RAB38: variants seen among roughly 807,000 people sequenced by gnomAD.
RAB38 encodes the protein RAB38, member RAS oncogene family.
In RAB38, 15 loss-of-function variants were observed where a neutral mutation model predicts 18.4. That is an observed-to-expected ratio of 0.82 (90% confidence interval 0.55 to 1.26). RAB38 has a LOEUF of 1.26. Among genes scored for constraint, RAB38 ranks in the 50% most tolerant of loss-of-function variants. The pLI, the probability that RAB38 is intolerant of heterozygous loss-of-function variation, is 0.00. For synonymous variants in RAB38, 101 were observed against 104.4 expected (o/e 0.97, Z 0.20); for missense variants, 294 against 267.4 (o/e 1.10, Z -0.69).
chr11:87,954,186 TA>T, the RAB38 span, among the ~76,000 whole-genome samples: 1 of 151,982 alleles, frequency 6.6e-6, no homozygotes, highest in Non-Finnish European at 1.5e-5. Context: ...TGATGATTGC[TA>T]AATATTCTGG....
At chr11:87,977,786 T>A in the RAB38 span, among the ~76,000 whole-genome samples, 5 of 114,164 alleles carry the variant, frequency 4.4e-5, no homozygotes, top group African/African-American at 1.0e-4. Context: ...TATTATATCA[T>A]AGTTATATAT....
the RAB38 span, among the ~76,000 whole-genome samples, chr11:87,962,047 C>A: frequency 1.3e-5 from 2 of 151,436 alleles, no homozygotes; most frequent in African/African-American, 4.9e-5. Context: ...CAAAAAGCTA[C>A]CTAATTACCA....
chr11:87,910,478 T>A, the RAB38 span, among the ~76,000 whole-genome samples: 18 of 152,114 alleles, frequency 1.2e-4, no homozygotes, highest in Admixed American at 1.0e-3. Context: ...TCAAATTTTT[T>A]AATTCATTCT....
At chr11:87,958,347 G>A in the RAB38 span, among the ~76,000 whole-genome samples, 1 of 152,114 alleles carries the variant, frequency 6.6e-6, no homozygotes, top group Admixed American at 6.6e-5. Context: ...TTATCTAGAG[G>A]TAACCCAAGT....
chr11:87,927,427 C>T, the RAB38 span, among the ~76,000 whole-genome samples: 8 of 151,924 alleles, frequency 5.3e-5, no homozygotes, highest in African/African-American at 1.9e-4. Flanking sequence ...GGTGAGTTAC[C>T]TTCAGTTGAC....
At chr11:87,902,842 G>T in the RAB38 span, among the ~76,000 whole-genome samples, 1 of 150,342 alleles carries the variant, frequency 6.7e-6, no homozygotes, top group African/African-American at 2.4e-5. Flanking sequence ...AGATTTATAT[G>T]TATATTTTAT....
At chr11:88,103,413 C>T in the RAB38 span, among the ~76,000 whole-genome samples, 1 of 152,036 alleles carries the variant, frequency 6.6e-6, no homozygotes, top group African/African-American at 2.4e-5. Flanking sequence ...TACACCTTAT[C>T]GGATTGGCTT....
the RAB38 span, among the ~76,000 whole-genome samples, chr11:88,038,441 G>C: frequency 1.3e-5 from 2 of 152,002 alleles, no homozygotes; most frequent in African/African-American, 2.4e-5. Context: ...TTATCAATTC[G>C]ATATTTTTTC....
the RAB38 span, among the ~76,000 whole-genome samples, chr11:88,067,445 A>G: frequency 6.6e-6 from 1 of 152,128 alleles, no homozygotes; most frequent in African/African-American, 2.4e-5. Context: ...TATCTTTCCA[A>G]CTCTGAAGCT....
At chr11:87,860,495 A>G in the RAB38 span, among the ~76,000 whole-genome samples, 28 of 152,158 alleles carry the variant, frequency 1.8e-4, no homozygotes, top group South Asian at 5.6e-3. Context: ...AATTGAAAGG[A>G]TAAGATAAAG....
At chr11:87,915,390 C>A in the RAB38 span, among the ~76,000 whole-genome samples, 2 of 152,138 alleles carry the variant, frequency 1.3e-5, no homozygotes, top group African/African-American at 4.8e-5. Flanking sequence ...CCCACCAAAA[C>A]CAAGATGGCG....
chr11:87,870,487 C>T, the RAB38 span, among the ~76,000 whole-genome samples: 1 of 151,460 alleles, frequency 6.6e-6, no homozygotes, highest in Non-Finnish European at 1.5e-5. Context: ...TCAGAGTCTA[C>T]ACACATTTCT....
the RAB38 span, among the ~76,000 whole-genome samples, chr11:87,964,669 G>T: frequency 6.6e-6 from 1 of 151,778 alleles, no homozygotes; most frequent in Non-Finnish European, 1.5e-5. Context: ...CCTCCTTCTG[G>T]GTCCCGCTGT....
the RAB38 span, among the ~76,000 whole-genome samples, chr11:87,829,912 C>T: frequency 4.6e-5 from 7 of 152,054 alleles, no homozygotes; most frequent in South Asian, 4.2e-4. Flanking sequence ...CTAATGATTG[C>T]GAATTTCTTG....
At chr11:87,862,085 T>C in the RAB38 span, among the ~76,000 whole-genome samples, 73 of 151,978 alleles carry the variant, frequency 4.8e-4, no homozygotes, top group African/African-American at 1.7e-3. Flanking sequence ...TCAGTTAAAC[T>C]ATTGTGGAAG....
the RAB38 span, among the ~76,000 whole-genome samples, chr11:88,010,066 T>C: frequency 6.6e-6 from 1 of 152,328 alleles, no homozygotes; most frequent in Non-Finnish European, 1.5e-5. Context: ...GACTGTGTTT[T>C]GACTGTAACT....
intron 2 of RAB38, among the ~76,000 whole-genome samples, chr11:88,135,279 T>C (rs900886237): frequency 6.6e-6 from 1 of 152,208 alleles, no homozygotes; most frequent in African/African-American, 2.4e-5. Flanking sequence ...TATATTACGT[T>C]TATTTACCAT....
chr11:87,925,545 T>C, the RAB38 span, among the ~76,000 whole-genome samples: 3 of 152,052 alleles, frequency 2.0e-5, no homozygotes, highest in Admixed American at 6.6e-5. Flanking sequence ...AGAGTAAGTA[T>C]ATAATAAAGG....
the RAB38 span, among the ~76,000 whole-genome samples, chr11:87,870,620 T>A: frequency 6.6e-6 from 1 of 151,634 alleles, no homozygotes; most frequent in Non-Finnish European, 1.5e-5. Context: ...ATTTGTATTA[T>A]CAACTAATGT....
Sources: allele counts gnomAD v4.1 joint callset (sites outside exome capture counted in the v4.1 genomes callset), GRCh38; gene constraint gnomAD v4.1.1; transcripts MANE v1.5; gene names NCBI Gene and HGNC (gene_info 2026-07-23, HGNC 2026-07-21).